MEIOSIN: variants seen among roughly 807,000 people sequenced by gnomAD.
The protein encoded by MEIOSIN is meiosis initiator protein.
MEIOSIN carries 18 observed loss-of-function variants against 23.4 expected under a neutral mutation model. That is an observed-to-expected ratio of 0.77 (90% CI 0.53 to 1.14). The LOEUF (loss-of-function observed/expected upper bound fraction) is 1.14. Ranked by LOEUF, MEIOSIN falls within the 50% of genes most tolerant of loss-of-function variation. The pLI is 0.00. For missense variants in MEIOSIN, 428 were observed against 242.9 expected, an observed-to-expected ratio of 1.76 and a Z score of -5.07; for synonymous variants, 187 against 100.6, an observed-to-expected ratio of 1.86 and a Z score of -5.14.
chr19:45,741,652 G>A (rs1013012470), intron 3 of MEIOSIN, among the ~76,000 whole-genome samples: 2 of 151,022 alleles, frequency 1.3e-5, no homozygotes, highest in East Asian at 2.0e-4. Flanking sequence ...TGGAGGTTGC[G>A]GTGAGCCAAG....
At position 45,759,140 on chromosome 19, in the gene MEIOSIN, T is replaced by G. The variant is rs1193521303; in HGVS notation, c.1168+107T>G. The stretch of plus-strand genomic sequence containing the variant: ...CCCGGGGTGAATCCTGCCCTGGCCC[T>G]GCCTCAAGGAGCCCACGGCCTAGTG... On this transcript the variant is annotated intron_variant, in intron 10 of 14. Transcript: ENST00000457052. The G allele has an allele frequency of 1.2e-5, 8 of 663,774 alleles. No individual in the cohort carries two copies. In the African/African-American group the frequency reaches 1.2e-4, roughly 10 times the overall value. 41.1% of individuals were successfully genotyped at this position (663,774 alleles called of 1,614,324 possible).
At chr19:45,736,761 TG>T (rs1412882258) in intron 2 of MEIOSIN, among the ~76,000 whole-genome samples, 3 of 149,688 alleles carry the variant, frequency 2.0e-5, no homozygotes, top group African/African-American at 7.4e-5. Flanking sequence ...TTAGTAGAGA[TG>T]GGGTTTCACC....
Position 45,762,150 on chromosome 19 carries a change from T to C in MEIOSIN, c.1646T>C (p.Met549Thr). ...AAGAAGTGTGTCAACGGCTTCATCA[T>C]GTTCTGCAGGATGAACCGGAAGCAG... ...MKKKCVNGFI[M>T]FCRMNRKQYI... The change falls in exon 13 of 15, where the codon ATG (methionine) becomes ACG (threonine). Residue 549 changes from methionine to threonine, a missense_variant. Met to Thr is a moderately conservative substitution (Grantham distance 81, BLOSUM62 -1). Transcript: ENST00000457052. The C allele has an allele frequency of 2.4e-6, 1 of 421,096 alleles. No individual in the cohort carries two copies. The highest frequency in any genetic ancestry group is 4.2e-6 in the Non-Finnish European group (1 of 239,764). 26.1% of individuals were successfully genotyped at this position (421,096 alleles called of 1,614,324 possible). A position where few individuals can be genotyped will look rare whatever the true frequency, so the allele number is the denominator to read the frequency against.
intron 7 of MEIOSIN, among the ~76,000 whole-genome samples, chr19:45,755,551 C>T (rs1968807939): frequency 6.6e-6 from 1 of 152,142 alleles, no homozygotes. Flanking sequence ...CTCCCAGGTT[C>T]AAACAATTCT....
At chr19:45,735,762 C>T (rs1017964164) in intron 2 of MEIOSIN, among the ~76,000 whole-genome samples, 6 of 152,018 alleles carry the variant, frequency 3.9e-5, no homozygotes, top group African/African-American at 1.2e-4. Flanking sequence ...CTGCAACCTC[C>T]GCCTCCTGAA....
At chr19:45,759,267 T>A (rs1282135822) in intron 10 of MEIOSIN, 147 bp from the exon 11 acceptor site, 3 of 638,102 alleles carry the variant, frequency 4.7e-6, no homozygotes, top group Non-Finnish European at 8.5e-6. Context: ...GGGAGTGGGC[T>A]GTGAGCGGGA....
intron 4 of MEIOSIN, among the ~76,000 whole-genome samples, chr19:45,748,104 G>A (rs12611358): frequency 0.47 from 70,524 of 150,028 alleles, 17,007 homozygotes; most frequent in East Asian, 0.65. Context: ...TTGAGACGGA[G>A]TCCCGCTCTG....
intron 5 of MEIOSIN, among the ~76,000 whole-genome samples, chr19:45,751,967 A>G (rs974075056): frequency 5.3e-5 from 8 of 149,630 alleles, no homozygotes; most frequent in African/African-American, 2.0e-4. Flanking sequence ...TCCTGACCTC[A>G]GGTGATCCAC....
At chr19:45,750,133 C>G (rs1403536217) in intron 4 of MEIOSIN, among the ~76,000 whole-genome samples, 1 of 149,016 alleles carries the variant, frequency 6.7e-6, no homozygotes, top group African/African-American at 2.5e-5. Context: ...ATTCCCCACC[C>G]ACCCCAACAA....
At chr19:45,763,536 C>G (rs745719261) in intron 14 of MEIOSIN, 109 bp downstream of exon 14, 1 of 397,618 alleles carries the variant, frequency 2.5e-6, no homozygotes, top group East Asian at 3.6e-5. Context: ...GAGACTGGGC[C>G]GAGGAATTTG....
chr19:45,747,097 G>T (rs1968608952), intron 4 of MEIOSIN, among the ~76,000 whole-genome samples: 1 of 152,176 alleles, frequency 6.6e-6, no homozygotes, highest in Non-Finnish European at 1.5e-5. Flanking sequence ...CAGGGGACTG[G>T]CAACGTTTCA....
intron 6 of MEIOSIN, 55 bp downstream of exon 6, chr19:45,753,843 C>T (rs1027180352): frequency 7.5e-6 from 5 of 669,516 alleles, no homozygotes; most frequent in Non-Finnish European, 1.4e-5. Flanking sequence ...AGGAGCAGGG[C>T]TCCTTCTCCA....
chr19:45,736,606 A>G (rs1163105740), intron 2 of MEIOSIN, among the ~76,000 whole-genome samples: 2 of 151,206 alleles, frequency 1.3e-5, no homozygotes, highest in South Asian at 2.1e-4. Flanking sequence ...TGACCTCGCG[A>G]TCCGCCCGCT....
chr19:45,750,121 C>T (rs1408047218), intron 4 of MEIOSIN, among the ~76,000 whole-genome samples: 2 of 147,966 alleles, frequency 1.4e-5, no homozygotes, highest in Non-Finnish European at 3.0e-5. Flanking sequence ...AGGAAGGACC[C>T]CATTCCCCAC....
chr19:45,735,127 C>T (rs1481210654), intron 1 of MEIOSIN, among the ~76,000 whole-genome samples: 2 of 152,090 alleles, frequency 1.3e-5, no homozygotes, highest in African/African-American at 2.4e-5. Context: ...CTCCTGACCT[C>T]GAGTGATTTG....
chr19:45,735,808 C>G (rs976291790), intron 2 of MEIOSIN, among the ~76,000 whole-genome samples: 2 of 152,162 alleles, frequency 1.3e-5, no homozygotes, highest in Non-Finnish European at 2.9e-5. Flanking sequence ...TCCCCAGTAG[C>G]TGGGACTACA....
In MEIOSIN at chr19:45,764,010, C is replaced by G; in HGVS notation, c.1809C>G (p.Ile603Met). 1 of 398,674 alleles carries G rather than the reference C, an allele frequency of 2.5e-6. No homozygotes were observed. Among genetic ancestry groups the G allele is most frequent in the Non-Finnish European group, 4.4e-6 (1 of 226,098 alleles). The allele number at this position is 398,674 out of a possible 1,614,324, so 24.7% of individuals were successfully genotyped here. Residue 603 changes from isoleucine (I) to methionine (M), a missense_variant, in exon 15 of 15, where the codon ATC (isoleucine) becomes ATG (methionine). Ile to Met is a conservative substitution (Grantham distance 10). Transcript: ENST00000457052. The part of the protein sequence containing the change: ...ARRFSRQHNR[I>M]VKQDGSSSEA... The stretch of plus-strand genomic sequence containing the variant: ...GGTTCAGCCGCCAGCACAACCGCAT[C>G]GTGAAGCAGGACGGCTCCAGCAGCG...
intron 2 of MEIOSIN, among the ~76,000 whole-genome samples, chr19:45,736,706 C>A (rs1425883071): frequency 6.6e-6 from 1 of 151,706 alleles, no homozygotes; most frequent in South Asian, 2.1e-4. Flanking sequence ...GTAGCTGGGA[C>A]TACAGGCGCC....
At position 45,735,463 on chromosome 19, in the gene MEIOSIN, A is replaced by G. The variant is rs1027419349; in HGVS notation, c.71+16A>G. ...CCAGTGACAGGTAAGGGCTTGCCCC[A>G]TCTCCCTTATAGCCCCAGCCACTCT... On this transcript the variant is annotated intron_variant, in intron 2 of 14. Transcript: ENST00000457052. 1 of 700,258 alleles carries G rather than the reference A, an allele frequency of 1.4e-6. No homozygotes were observed. Among genetic ancestry groups the G allele is most frequent in the African/African-American group, 1.7e-5 (1 of 57,184 alleles). The allele number at this position is 700,258 out of a possible 1,614,324, so 43.4% of individuals were successfully genotyped here. A position where few individuals can be genotyped will look rare whatever the true frequency, so the allele number is the denominator to read the frequency against.
Sources: allele counts gnomAD v4.1 joint callset (sites outside exome capture counted in the v4.1 genomes callset), GRCh38; gene constraint gnomAD v4.1.1; transcripts MANE v1.5; gene names NCBI Gene and HGNC (gene_info 2026-07-23, HGNC 2026-07-21).